PHACTR1: variants seen among roughly 807,000 people sequenced by gnomAD.
PHACTR1 encodes the protein phosphatase and actin regulator 1.
Under a neutral mutation model 69.2 loss-of-function variants are expected in PHACTR1, and 16 were observed. The observed-to-expected ratio is 0.23, with a 90% CI of 0.16 to 0.35. The LOEUF is 0.35. PHACTR1 is among the 10% of genes least tolerant of loss of function. The pLI is 1.00. For synonymous variants in PHACTR1, 312 were observed against 284.5 expected (o/e 1.10, Z -0.97); for missense variants, 510 against 734.7 (o/e 0.69, Z 3.54).
chr6:12,823,174 C>T (rs141257997), intron 4 of PHACTR1, among the ~76,000 whole-genome samples: 3 of 152,268 alleles, frequency 2.0e-5, no homozygotes, highest in South Asian at 4.2e-4. Flanking sequence ...TTACATTCTA[C>T]GTGCTTAGAT....
At chr6:13,194,526 G>A (rs77946107) in intron 7 of PHACTR1, among the ~76,000 whole-genome samples, 2,615 of 151,078 alleles carry the variant, frequency 0.017, 47 homozygotes, top group East Asian at 0.065. Context: ...CAAGGGTGAC[G>A]TGCCTAAGTG....
intron 10 of PHACTR1, chr6:13,272,364 G>GCT (rs771621141): frequency 6.3e-4 from 100 of 158,488 alleles, no homozygotes; most frequent in Middle Eastern, 3.2e-3. Context: ...ACCAGAAGAA[G>GCT]AGCAGCCATT....
chr6:12,774,689 C>T (rs1769831744), intron 4 of PHACTR1, among the ~76,000 whole-genome samples: 4 of 152,108 alleles, frequency 2.6e-5, no homozygotes, highest in Non-Finnish European at 5.9e-5. Flanking sequence ...TGTGAGCCAC[C>T]GTGCCTGACC....
At position 13,272,545 on chromosome 6, in the gene PHACTR1, ACTT is replaced by A. The variant is rs1055798359; in HGVS notation, c.1392-312_1392-310del. On this transcript the variant is annotated intron_variant, in intron 10 of 14. Transcript: ENST00000332995. ...TAGGAGGCCACAAGGAAAGAAAAGG[ACTT>A]CTGTGAAGAAAAGAGTCCCGTCTGA... 3 of 534,760 alleles carry A rather than the reference ACTT, an allele frequency of 5.6e-6. No homozygotes were observed. In the African/African-American group the frequency reaches 5.8e-5, roughly 10 times the overall value. 33.1% of individuals were successfully genotyped at this position (534,760 alleles called of 1,614,324 possible). A position where few individuals can be genotyped will look rare whatever the true frequency, so the allele number is the denominator to read the frequency against.
At chr6:12,986,955 G>C (rs915726939) in intron 4 of PHACTR1, among the ~76,000 whole-genome samples, 1 of 152,138 alleles carries the variant, frequency 6.6e-6, no homozygotes, top group African/African-American at 2.4e-5. Context: ...CCTCAGAGTG[G>C]TTGATTTGTA....
intron 4 of PHACTR1, among the ~76,000 whole-genome samples, chr6:13,009,239 AT>A (rs1582943898): frequency 1.3e-5 from 2 of 152,184 alleles, no homozygotes; most frequent in Non-Finnish European, 2.9e-5. Context: ...CTTTTGCCAA[AT>A]AAGGTCACAC....
chr6:12,784,027 T>G (rs531200669), intron 4 of PHACTR1, among the ~76,000 whole-genome samples: 2 of 152,178 alleles, frequency 1.3e-5, no homozygotes, highest in South Asian at 4.1e-4. Flanking sequence ...GATATGTACA[T>G]ATGCACACAC....
intron 3 of PHACTR1, among the ~76,000 whole-genome samples, chr6:12,732,370 T>TA (rs1255724743): frequency 6.6e-6 from 1 of 152,060 alleles, no homozygotes; most frequent in East Asian, 1.9e-4. Flanking sequence ...TTAGTTCTTC[T>TA]AAAAAATGGG....
intron 4 of PHACTR1, among the ~76,000 whole-genome samples, chr6:13,051,453 G>A (rs1583140603): frequency 6.6e-6 from 1 of 152,128 alleles, no homozygotes; most frequent in Non-Finnish European, 1.5e-5. Flanking sequence ...ACATGATCTG[G>A]TTCCAGACCC....
intron 5 of PHACTR1, among the ~76,000 whole-genome samples, chr6:13,153,871 T>C (rs1757804809): frequency 6.6e-6 from 1 of 152,240 alleles, no homozygotes; most frequent in Non-Finnish European, 1.5e-5. Context: ...AATGTTGGCC[T>C]CCTAGCTTTT....
intron 13 of PHACTR1, among the ~76,000 whole-genome samples, chr6:13,285,736 A>G (rs1384890041): frequency 6.6e-6 from 1 of 152,178 alleles, no homozygotes; most frequent in African/African-American, 2.4e-5. Context: ...GGAGAATTTG[A>G]TCCACGCCTT....
intron 10 of PHACTR1, among the ~76,000 whole-genome samples, chr6:13,271,857 G>A (rs1000353799): frequency 3.3e-5 from 5 of 151,938 alleles, no homozygotes; most frequent in East Asian, 3.9e-4. Context: ...ACATCTTGCC[G>A]ACTATAGACA....
At chr6:13,224,472 TTATG>T (rs1485464007) in intron 8 of PHACTR1, among the ~76,000 whole-genome samples, 1 of 152,204 alleles carries the variant, frequency 6.6e-6, no homozygotes, top group Non-Finnish European at 1.5e-5. Flanking sequence ...TTGGGCCAAA[TTATG>T]TAGGGTGTGG....
At chr6:12,807,456 G>C (rs889472747) in intron 4 of PHACTR1, among the ~76,000 whole-genome samples, 1 of 152,072 alleles carries the variant, frequency 6.6e-6, no homozygotes, top group African/African-American at 2.4e-5. Context: ...TCGAGGAGTT[G>C]ATTCTCCATG....
chr6:13,130,287 A>G (rs1820215449), intron 5 of PHACTR1, among the ~76,000 whole-genome samples: 1 of 152,018 alleles, frequency 6.6e-6, no homozygotes, highest in Non-Finnish European at 1.5e-5. Flanking sequence ...AAACAAAAAC[A>G]AAAACAAAAC....
chr6:12,991,958 C>T (rs1582864879), intron 4 of PHACTR1, among the ~76,000 whole-genome samples: 2 of 150,586 alleles, frequency 1.3e-5, no homozygotes, highest in East Asian at 1.9e-4. Context: ...TTTTTTTTAC[C>T]CTTATGAAAG....
At chr6:13,178,556 A>T (rs1415536874) in intron 6 of PHACTR1, among the ~76,000 whole-genome samples, 1 of 152,218 alleles carries the variant, frequency 6.6e-6, no homozygotes, top group East Asian at 1.9e-4. Flanking sequence ...AAGCCCAGCA[A>T]TCTGTTTTTT....
chr6:12,813,280 T>G (rs1370619446), intron 4 of PHACTR1, among the ~76,000 whole-genome samples: 1 of 152,212 alleles, frequency 6.6e-6, no homozygotes, highest in Admixed American at 6.5e-5. Context: ...ACACAAGTTC[T>G]GAGAGCCCTT....
intron 5 of PHACTR1, among the ~76,000 whole-genome samples, chr6:13,064,516 T>G (rs1808193677): frequency 8.0e-6 from 1 of 125,026 alleles, no homozygotes; most frequent in African/African-American, 3.0e-5. Flanking sequence ...ATTAATATAA[T>G]AAATTGCAAC....
Sources: gnomAD v4.1 joint callset for allele counts (sites outside exome capture counted in the v4.1 genomes callset) on GRCh38, gnomAD v4.1.1 for gene constraint, MANE v1.5 for transcripts, NCBI Gene and HGNC (gene_info 2026-07-23, HGNC 2026-07-21) for gene names.